TXNRD1: variants seen among roughly 807,000 people sequenced by gnomAD.
The protein encoded by TXNRD1 is thioredoxin reductase 1, cytoplasmic.
A neutral mutation model predicts 80.3 loss-of-function variants in TXNRD1; 57 were observed. The observed-to-expected ratio is 0.71, with a 90% CI of 0.57 to 0.89. The LOEUF (loss-of-function observed/expected upper bound fraction) is 0.89. Ranked by LOEUF, TXNRD1 falls within the 40% of genes least tolerant of loss-of-function variation. TXNRD1 has a pLI of 0.00. For synonymous variants in TXNRD1, 291 were observed against 285.2 expected (o/e 1.02, Z -0.20); for missense variants, 730 against 803.0 (o/e 0.91, Z 1.10).
At chr12:104,306,301 T>C (rs1015251828) in intron 4 of TXNRD1, among the ~76,000 whole-genome samples, 1 of 152,216 alleles carries the variant, frequency 6.6e-6, no homozygotes, top group African/African-American at 2.4e-5. Flanking sequence ...CCATAAAGGC[T>C]TTTTTCTTTC....
intron 1 of TXNRD1, among the ~76,000 whole-genome samples, chr12:104,244,890 G>C (rs906546558): frequency 6.6e-6 from 1 of 152,206 alleles, no homozygotes; most frequent in Non-Finnish European, 1.5e-5. Context: ...AGGCTTGGGA[G>C]AGAGAAAAGC....
At chr12:104,268,177 C>G (rs990507815) in intron 3 of TXNRD1, among the ~76,000 whole-genome samples, 2 of 132,354 alleles carry the variant, frequency 1.5e-5, no homozygotes, top group African/African-American at 5.6e-5. Flanking sequence ...CTCTCTGTCT[C>G]TCTCTTTCTT....
chr12:104,331,336 T>C (rs2035939468), intron 13 of TXNRD1, among the ~76,000 whole-genome samples, 198 bp from the exon 14 acceptor site: 1 of 152,212 alleles, frequency 6.6e-6, no homozygotes, highest in Non-Finnish European at 1.5e-5. Flanking sequence ...TTCACACTTC[T>C]ATCCACTAAA....
At chr12:104,253,612 C>T (rs910300262) in intron 2 of TXNRD1, among the ~76,000 whole-genome samples, 2 of 152,102 alleles carry the variant, frequency 1.3e-5, no homozygotes, top group African/African-American at 4.8e-5. Context: ...TTGGGACCTA[C>T]TGCCCCTCCC....
At chr12:104,256,224 G>T (rs80087218) in intron 2 of TXNRD1, among the ~76,000 whole-genome samples, 3,001 of 152,230 alleles carry the variant, frequency 0.02, 96 homozygotes, top group African/African-American at 0.068. Flanking sequence ...GATGAGTAAT[G>T]TCATTTGCAT....
At chr12:104,225,141 G>A (rs1312477369) in intron 1 of TXNRD1, among the ~76,000 whole-genome samples, 5 of 152,216 alleles carry the variant, frequency 3.3e-5, no homozygotes, top group Admixed American at 2.6e-4. Flanking sequence ...ATATGGAGTT[G>A]TTTTCTAGAG....
chr12:104,281,452 G>A (rs2033877132), intron 3 of TXNRD1, among the ~76,000 whole-genome samples: 1 of 135,880 alleles, frequency 7.4e-6, no homozygotes, highest in South Asian at 2.4e-4. Context: ...TGTCGCCCGG[G>A]CTGGAGTGCA....
intron 1 of TXNRD1, among the ~76,000 whole-genome samples, chr12:104,216,570 A>G (rs1438620037): frequency 6.6e-6 from 1 of 152,244 alleles, no homozygotes; most frequent in East Asian, 1.9e-4. Flanking sequence ...CTTTGGAAGC[A>G]CTAGACATGG....
At chr12:104,274,038 C>T (rs1055809417) in intron 3 of TXNRD1, among the ~76,000 whole-genome samples, 2 of 151,546 alleles carry the variant, frequency 1.3e-5, no homozygotes, top group African/African-American at 2.4e-5. Context: ...GGCGACAGAG[C>T]GAGACTCCAT....
At chr12:104,276,892 A>G (rs2033768166) in intron 3 of TXNRD1, among the ~76,000 whole-genome samples, 1 of 152,204 alleles carries the variant, frequency 6.6e-6, no homozygotes, top group Non-Finnish European at 1.5e-5. Flanking sequence ...GGTGTTCATT[A>G]AGTGATGGTT....
chr12:104,304,367 A>G, intron 4 of TXNRD1: 1 of 1,614,068 alleles, frequency 6.2e-7, no homozygotes, highest in South Asian at 1.1e-5. Flanking sequence ...TTGTGATGAT[A>G]GCATAGCTCT....
At position 104,321,216 on chromosome 12, in the gene TXNRD1, C is replaced by T; in HGVS notation, c.1115C>T (p.Ser372Phe). The T allele has an allele frequency of 1.2e-6, 2 of 1,613,736 alleles. No homozygotes were observed. The highest frequency in any genetic ancestry group is 1.7e-6 in the Non-Finnish European group (2 of 1,179,832). ...IGLDVTVMVR[S>F]ILLRGFDQDM... ...TTAGACGTCACTGTTATGGTTAGGT[C>T]CATTCTTCTTAGAGGATTTGACCAG... The change falls in exon 10 of 17, where the codon TCC becomes TTC. Residue 372 changes from serine (S) to phenylalanine (F), a missense_variant. Transcript: ENST00000525566.
intron 1 of TXNRD1, among the ~76,000 whole-genome samples, chr12:104,217,541 C>T (rs1366939876): frequency 6.6e-6 from 1 of 152,068 alleles, no homozygotes; most frequent in African/African-American, 2.4e-5. Flanking sequence ...AACTCCTGAC[C>T]TCAGGTGATC....
chr12:104,288,919 T>G lies in TXNRD1; in HGVS notation c.305-12T>G, dbSNP rs773594395. On this transcript the variant is annotated splice_polypyrimidine_tract_variant and intron_variant, in intron 3 of 16. Transcript: ENST00000525566. ...CACCTTACACGCTCCGCTCTGCTTT[T>G]GTGCCACACAGAGGACGGTCGGGCC... 1.9e-6 allele frequency: 3 copies of G among 1,613,996 alleles called. No homozygotes were observed. The highest frequency in any genetic ancestry group is 2.5e-6 in the Non-Finnish European group (3 of 1,179,862).
intron 15 of TXNRD1, among the ~76,000 whole-genome samples, chr12:104,338,874 G>A (rs369046320): frequency 6.6e-6 from 1 of 151,778 alleles, no homozygotes; most frequent in Admixed American, 6.6e-5. Flanking sequence ...CCGCCACCAC[G>A]CCCGGCTAAT....
intron 1 of TXNRD1, 84 bp downstream of exon 1, chr12:104,215,977 G>C: frequency 8.2e-7 from 1 of 1,218,318 alleles, no homozygotes; most frequent in African/African-American, 1.5e-5. Flanking sequence ...AAGTGCCCCG[G>C]AGCCCTGGCC....
chr12:104,258,380 C>G, intron 3 of TXNRD1: 3 of 238,296 alleles, frequency 1.3e-5, no homozygotes, highest in Middle Eastern at 1.4e-3. Context: ...GGTAACTTTA[C>G]TTTTGCAAAT....
rs184252298 is a variant in TXNRD1, at chr12:104,307,768, G to T, written c.415-3522G>T. Among the ~76,000 whole-genome samples, 47 of 152,282 alleles carry T rather than the reference G, an allele frequency of 3.1e-4. 1 individual carries two copies. The highest frequency in any genetic ancestry group is 1.5e-3 in the South Asian group (7 of 4,826). Reference sequence around the variant, plus strand: ...TCTGTTTTGTGCCCTTTTTGGGGGAGCCTGGAGCAGTGTTTTACTAGGAGT... The same window carrying T: ...TCTGTTTTGTGCCCTTTTTGGGGGATCCTGGAGCAGTGTTTTACTAGGAGT... On this transcript the variant is annotated intron_variant, in intron 4 of 16. Coordinates refer to ENST00000525566, the MANE Select transcript of TXNRD1 (RefSeq NM_001093771.3).
At chr12:104,274,346 G>A (rs1195182257) in intron 3 of TXNRD1, among the ~76,000 whole-genome samples, 2 of 152,224 alleles carry the variant, frequency 1.3e-5, no homozygotes, top group African/African-American at 2.4e-5. Flanking sequence ...AGAAATTAGA[G>A]GGGGATGTTC....
Sources: allele counts gnomAD v4.1 joint callset (sites outside exome capture counted in the v4.1 genomes callset), GRCh38; gene constraint gnomAD v4.1.1; transcripts MANE v1.5; gene names NCBI Gene and HGNC (gene_info 2026-07-23, HGNC 2026-07-21).